Variants in SEMA3C observed in about 807,000 individuals in gnomAD.
SEMA3C encodes the protein semaphorin 3C, also known as semaphorin-3C.
SEMA3C carries 47 observed loss-of-function variants against 89.4 expected under a neutral mutation model. The ratio of observed to expected loss-of-function variants is 0.53; its 90% CI spans 0.42 to 0.67. SEMA3C has a LOEUF of 0.67. SEMA3C is among the 30% of genes least tolerant of loss of function. The pLI is 0.00. For synonymous variants in SEMA3C, 310 were observed against 320.2 expected, an observed-to-expected ratio of 0.97 and a Z score of 0.34; for missense variants, 839 against 929.1, an observed-to-expected ratio of 0.90 and a Z score of 1.26.
At chr7:80,862,060 C>A (rs1431554486) in intron 2 of SEMA3C, among the ~76,000 whole-genome samples, 5 of 152,134 alleles carry the variant, frequency 3.3e-5, no homozygotes, top group Non-Finnish European at 1.5e-5. Flanking sequence ...TCTTACCACT[C>A]CTCTTCAACA....
intron 2 of SEMA3C, among the ~76,000 whole-genome samples, chr7:80,854,929 C>T (rs1275210081): frequency 6.6e-6 from 1 of 152,084 alleles, no homozygotes; most frequent in Non-Finnish European, 1.5e-5. Flanking sequence ...TAAGATGTAA[C>T]CAGATTTTTG....
chr7:80,881,032 T>C (rs1583974286), intron 2 of SEMA3C, among the ~76,000 whole-genome samples: 1 of 152,260 alleles, frequency 6.6e-6, no homozygotes, highest in Admixed American at 6.5e-5. Context: ...CAATTATTCT[T>C]ATAAAATTAC....
At chr7:80,865,976 T>C (rs1231374789) in intron 2 of SEMA3C, among the ~76,000 whole-genome samples, 5 of 152,208 alleles carry the variant, frequency 3.3e-5, no homozygotes, top group African/African-American at 1.2e-4. Context: ...GGATGTACCA[T>C]AGTTTTCTTC....
chr7:80,894,953 A>G (rs551535384), intron 2 of SEMA3C, among the ~76,000 whole-genome samples: 7 of 152,306 alleles, frequency 4.6e-5, no homozygotes, highest in Non-Finnish European at 8.8e-5. Flanking sequence ...CAGCTGTAAT[A>G]TAAGGGGCCA....
chr7:80,886,223 T>G (rs966786583), intron 2 of SEMA3C, among the ~76,000 whole-genome samples: 1 of 152,174 alleles, frequency 6.6e-6, no homozygotes, highest in African/African-American at 2.4e-5. Flanking sequence ...TACTTTTAAT[T>G]TCTAAGATCT....
chr7:80,896,621 T>A lies in SEMA3C; in HGVS notation c.103+20058A>T, dbSNP rs73374877. On this transcript the variant is annotated intron_variant, in intron 2 of 17. Coordinates refer to ENST00000265361, the MANE Select transcript of SEMA3C (RefSeq NM_006379.5). ...TGCTTAACTGGAACCTCAGGTGGAATAGGCTGTTTAGCTCTAATAGTTAAC... is the reference window on the plus strand; with the variant it reads ...TGCTTAACTGGAACCTCAGGTGGAAAAGGCTGTTTAGCTCTAATAGTTAAC... 7.3e-3 allele frequency among the ~76,000 whole-genome samples: 1,115 copies of A among 152,308 alleles called. 15 individuals carry two copies. Among genetic ancestry groups the A allele is most frequent in the African/African-American group, 0.024 (983 of 41,564 alleles).
intron 2 of SEMA3C, among the ~76,000 whole-genome samples, chr7:80,889,225 C>G (rs2116140431): frequency 1.3e-5 from 2 of 152,138 alleles, no homozygotes; most frequent in East Asian, 3.9e-4. Context: ...TTCGCAATAA[C>G]CTTATTTGAG....
intron 15 of SEMA3C, among the ~76,000 whole-genome samples, chr7:80,753,015 T>A (rs2117036556): frequency 6.6e-6 from 1 of 152,242 alleles, no homozygotes; most frequent in Admixed American, 6.5e-5. Flanking sequence ...AATCACAAAG[T>A]CATTGATAGT....
intron 5 of SEMA3C, among the ~76,000 whole-genome samples, chr7:80,814,477 T>C (rs139105320): frequency 0.011 from 1,729 of 152,252 alleles, 31 homozygotes; most frequent in African/African-American, 0.039. Flanking sequence ...ACCACCGTCA[T>C]TCTTTTCTTT....
At chr7:80,800,928 C>T in intron 9 of SEMA3C, 102 bp from the exon 10 acceptor site, 3 of 625,012 alleles carry the variant, frequency 4.8e-6, no homozygotes, top group Non-Finnish European at 8.1e-6. Context: ...AAGTACTCTG[C>T]AAAAAGATAT....
intron 5 of SEMA3C, among the ~76,000 whole-genome samples, chr7:80,812,723 G>C (rs1403416854): frequency 6.6e-6 from 1 of 151,988 alleles, no homozygotes; most frequent in African/African-American, 2.4e-5. Context: ...AATCTTCTCT[G>C]TTTCTCCCCA....
chr7:80,916,153 G>A (rs762013411), intron 2 of SEMA3C, among the ~76,000 whole-genome samples: 1 of 152,124 alleles, frequency 6.6e-6, no homozygotes, highest in Non-Finnish European at 1.5e-5. Context: ...TATTCTTTTA[G>A]GTCCTTTTCA....
intron 2 of SEMA3C, among the ~76,000 whole-genome samples, chr7:80,907,040 G>A (rs1792032164): frequency 6.6e-6 from 1 of 152,046 alleles, no homozygotes. Context: ...CAGCTGCATA[G>A]TTCATATTCA....
chr7:80,899,152 T>A (rs1048053415), intron 2 of SEMA3C, among the ~76,000 whole-genome samples: 1 of 152,168 alleles, frequency 6.6e-6, no homozygotes, highest in South Asian at 2.1e-4. Context: ...GCAATTCTCC[T>A]GCCTCAGCCT....
intron 2 of SEMA3C, among the ~76,000 whole-genome samples, chr7:80,853,159 C>T (rs1432033093): frequency 6.6e-6 from 1 of 152,042 alleles, no homozygotes; most frequent in Non-Finnish European, 1.5e-5. Context: ...TCTTTCCATA[C>T]TATTGATGAG....
At chr7:80,822,293 T>C (rs943039896) in intron 4 of SEMA3C, among the ~76,000 whole-genome samples, 1 of 151,832 alleles carries the variant, frequency 6.6e-6, no homozygotes, top group Non-Finnish European at 1.5e-5. Context: ...GGGTAAAGAT[T>C]TGAGTAGAGG....
chr7:80,765,241 G>C lies in SEMA3C; in HGVS notation c.1357C>G (p.Arg453Gly), dbSNP rs147463830. The C allele has an allele frequency of 5.0e-6, 8 of 1,607,122 alleles. No homozygotes were observed. Among genetic ancestry groups the C allele is most frequent in the African/African-American group, 1.3e-5 (1 of 74,498 alleles). The change falls in exon 13 of 18, where the codon CGG becomes GGG. Residue 453 changes from arginine (R) to glycine (G), a missense_variant and splice_region_variant. Coordinates refer to ENST00000265361, the MANE Select transcript of SEMA3C (RefSeq NM_006379.5). ...RYHVLFLGTD[R>G]GTVQKVVVLP... ...ACAACCACTTTTTGCACAGTACCCC[G>C]ATCTAAATTAAAAAAAGAAGAAATG... is the stretch of plus-strand genomic sequence containing the variant.
chr7:80,757,464 A>T (rs1035960197), intron 15 of SEMA3C, among the ~76,000 whole-genome samples: 1 of 152,126 alleles, frequency 6.6e-6, no homozygotes, highest in African/African-American at 2.4e-5. Context: ...TCTTAACCTA[A>T]CCAGTAATCA....
At chr7:80,902,599 C>T (rs1324090256) in intron 2 of SEMA3C, among the ~76,000 whole-genome samples, 1 of 152,174 alleles carries the variant, frequency 6.6e-6, no homozygotes, top group Non-Finnish European at 1.5e-5. Context: ...TTTCAACTAT[C>T]CATGTATTTA....
Sources: allele counts gnomAD v4.1 joint callset (sites outside exome capture counted in the v4.1 genomes callset), GRCh38; gene constraint gnomAD v4.1.1; transcripts MANE v1.5; gene names NCBI Gene and HGNC (gene_info 2026-07-23, HGNC 2026-07-21).